Variants in UGGT1 observed in about 807,000 individuals in gnomAD.
UGGT1 encodes UDP-glucose:glycoprotein glucosyltransferase 1.
A neutral mutation model predicts 203.9 loss-of-function variants in UGGT1; 107 were observed. The ratio of observed to expected loss-of-function variants is 0.52; its 90% CI spans 0.45 to 0.62. The LOEUF (loss-of-function observed/expected upper bound fraction) is 0.62, where lower values mean the gene tolerates loss of function less well. UGGT1 is among the 20% of genes least tolerant of loss of function. UGGT1 has a pLI of 0.00. For synonymous variants in UGGT1, 628 were observed against 653.5 expected, an observed-to-expected ratio of 0.96 and a Z score of 0.59; for missense variants, 1,673 against 1,867.2, an observed-to-expected ratio of 0.90 and a Z score of 1.92.
chr2:128,127,033 G>A (rs1688640408), intron 11 of UGGT1, among the ~76,000 whole-genome samples: 1 of 152,144 alleles, frequency 6.6e-6, no homozygotes, highest in South Asian at 2.1e-4. Context: ...CAGCCAGCGA[G>A]TGAGTAGATG....
chr2:128,113,106 G>C lies in UGGT1; in HGVS notation c.544G>C (p.Gly182Arg). 1 of 1,596,282 alleles carries C rather than the reference G, an allele frequency of 6.3e-7. No homozygotes were observed. Among genetic ancestry groups the C allele is most frequent in the Non-Finnish European group, 8.5e-7 (1 of 1,170,620 alleles). Reference protein sequence around the residue: ...SERPKPLLFKGDHRYPSSNPE... With the variant: ...SERPKPLLFKRDHRYPSSNPE... ...CAGACCCAAACCTTTATTGTTCAAA[G>C]GAGATCACAGATATCCCTCGTCTAA... Residue 182 changes from glycine (G) to arginine (R), a missense_variant, in exon 6 of 41, where the codon GGA (glycine) becomes CGA (arginine). Physicochemically the swap from Gly to Arg is moderately radical, Grantham distance 125 (BLOSUM62 -2). Coordinates refer to ENST00000259253, the MANE Select transcript of UGGT1 (RefSeq NM_020120.4).
intron 30 of UGGT1, 113 bp downstream of exon 30, chr2:128,174,052 T>G: frequency 7.8e-7 from 1 of 1,276,024 alleles, no homozygotes; most frequent in South Asian, 1.5e-5. Context: ...AAATTCATTA[T>G]GGGCTGAATT....
rs1013437811 is a variant in UGGT1, at chr2:128,194,377, C to G, written c.*4635C>G. On this transcript the variant is annotated 3_prime_UTR_variant, in exon 41 of 41. Coordinates refer to ENST00000259253, the MANE Select transcript of UGGT1 (RefSeq NM_020120.4). ...TGCCTCCCGGGTTCAAGAGATTCTC[C>G]TGACTCAACCTCCTGAGTAGCTGGG... 7 of 152,312 alleles carry G rather than the reference C, an allele frequency of 4.6e-5. No homozygotes were observed. Among genetic ancestry groups the G allele is most frequent in the African/African-American group, 1.7e-4 (7 of 41,414 alleles). 9.4% of individuals were successfully genotyped at this position (152,312 alleles called of 1,614,324 possible).
Position 128,120,390 on chromosome 2 carries a change from G to GTC in UGGT1, c.907_908insTC (p.Glu303ValfsTer8), listed in dbSNP as rs1353411205. 1 of 1,613,864 alleles carries GTC rather than the reference G, an allele frequency of 6.2e-7. No homozygotes were observed. The highest frequency in any genetic ancestry group is 8.5e-7 in the Non-Finnish European group (1 of 1,179,960). On this transcript the variant is annotated frameshift_variant, in exon 9 of 41. Transcript: ENST00000259253. LOFTEE classifies it high-confidence loss of function. ...CCCCGACCTGGAGGGACAGTTGAAA[G>GTC]AACTCAGAAAGCATCTTGTAGAGAG...
chr2:128,149,411 G>A (rs1290636336), intron 18 of UGGT1, among the ~76,000 whole-genome samples: 2 of 150,064 alleles, frequency 1.3e-5, no homozygotes, highest in African/African-American at 2.4e-5. Flanking sequence ...TTGGGAGGCC[G>A]AGGCGGGCGG....
At position 128,170,342 on chromosome 2, in the gene UGGT1, C is replaced by T. The variant is rs765370157; in HGVS notation, c.2976C>T (p.Val992=). Residue 992 remains valine, a synonymous_variant, in exon 27 of 41, where the codon GTC becomes GTT. Coordinates refer to ENST00000259253, the MANE Select transcript of UGGT1 (RefSeq NM_020120.4). ...AGACATACTTTGATGTTGTGGCTGT[C>T]GTTGACCCTGTCACCAGAGAAGCAC... The part of the protein sequence containing the change: ...EGETYFDVVA[V]VDPVTREAQR... 27 of 1,614,040 alleles carry T rather than the reference C, an allele frequency of 1.7e-5. No homozygotes were observed. The African/African-American group carries it at 2.9e-4, about 18-fold the overall frequency.
rs747775471 is a variant in UGGT1, at chr2:128,133,261, G to C, written c.1497+1G>C. On this transcript the variant is annotated splice_donor_variant, in intron 14 of 40. Coordinates refer to ENST00000259253, the MANE Select transcript of UGGT1 (RefSeq NM_020120.4). LOFTEE classifies it high-confidence loss of function. Reference sequence around the variant, plus strand: ...GATCAGGAAAAACTTACATAATATGGTAAGTAAAACTTATTGTCTGGCTGT... The same window carrying C: ...GATCAGGAAAAACTTACATAATATGCTAAGTAAAACTTATTGTCTGGCTGT... 6.2e-7 allele frequency: 1 copy of C among 1,612,732 alleles called. No individual in the cohort carries two copies. Among genetic ancestry groups the C allele is most frequent in the Non-Finnish European group, 8.5e-7 (1 of 1,179,392 alleles).
intron 15 of UGGT1, 119 bp downstream of exon 15, chr2:128,135,080 G>A: frequency 1.2e-6 from 1 of 819,140 alleles, no homozygotes; most frequent in Non-Finnish European, 2.0e-6. Flanking sequence ...ATCACTAATG[G>A]CAATTTTATC....
intron 17 of UGGT1, among the ~76,000 whole-genome samples, chr2:128,145,327 C>G (rs137916480): frequency 3.2e-4 from 49 of 152,280 alleles, no homozygotes; most frequent in African/African-American, 1.1e-3. Flanking sequence ...GTTACTTGGT[C>G]ATAGTTGGCA....
Position 128,155,559 on chromosome 2 carries a change from C to T in UGGT1, c.2208C>T (p.Ala736=), listed in dbSNP as rs763672424. 5.0e-6 allele frequency: 8 copies of T among 1,612,720 alleles called. No homozygotes were observed. Among genetic ancestry groups the T allele is most frequent in the South Asian group, 1.1e-5 (1 of 90,916 alleles). ...CCCAAGGCAAGACTGCTGCTGTAGC[C>T]AATAGTATGAACTATCTGACAAAGA... is the stretch of plus-strand genomic sequence containing the variant. ...LDSQGKTAAV[A]NSMNYLTKKG... The change falls in exon 20 of 41, where the codon GCC becomes GCT. Residue 736 remains alanine, a synonymous_variant. Coordinates refer to ENST00000259253, the MANE Select transcript of UGGT1 (RefSeq NM_020120.4).
chr2:128,115,244 G>T (rs1393091805), intron 7 of UGGT1, 24 bp downstream of exon 7: 1 of 1,597,346 alleles, frequency 6.3e-7, no homozygotes, highest in Non-Finnish European at 8.6e-7. Flanking sequence ...AATGGGACCA[G>T]TGTGCTTTCT....
chr2:128,182,896 T>G (rs2104824309), intron 37 of UGGT1, among the ~76,000 whole-genome samples: 1 of 147,278 alleles, frequency 6.8e-6, no homozygotes, highest in African/African-American at 2.5e-5. Context: ...TATTTATACA[T>G]TTTGTAACTT....
rs765559372 is a variant in UGGT1 at position 128,152,869 on chromosome 2, C to A, written c.2102C>A (p.Thr701Lys). The change falls in exon 19 of 41, where the codon ACA (threonine) becomes AAA (lysine). Residue 701 changes from threonine to lysine, a missense_variant. Thr to Lys is a moderately conservative substitution (Grantham distance 78, BLOSUM62 -1). Coordinates refer to ENST00000259253, the MANE Select transcript of UGGT1 (RefSeq NM_020120.4). ...VVPRINSRILTAERDYLDLTA... is the reference protein window; with the variant it reads ...VVPRINSRILKAERDYLDLTA... ...CCACGAATCAATTCTAGGATTTTGA[C>A]AGCTGAACGAGACTACCTGGATTTA... The A allele has an allele frequency of 1.2e-5, 20 of 1,613,944 alleles. No individual in the cohort carries two copies. Among genetic ancestry groups the A allele is most frequent in the Non-Finnish European group, 1.7e-5 (20 of 1,179,978 alleles).
At chr2:128,133,053 A>G in intron 13 of UGGT1, 88 bp from the exon 14 acceptor site, 3 of 1,491,078 alleles carry the variant, frequency 2.0e-6, no homozygotes, top group Non-Finnish European at 2.7e-6. Flanking sequence ...GATTCTTCTT[A>G]AAATATTTTA....
chr2:128,103,873 A>G (rs1558751276), intron 2 of UGGT1, 59 bp from the exon 3 acceptor site: 9 of 1,271,250 alleles, frequency 7.1e-6, no homozygotes, highest in Admixed American at 2.3e-5. Flanking sequence ...TCTCTTTAGT[A>G]ATATAGTTTA....
chr2:128,116,067 T>G (rs558809332), intron 7 of UGGT1, among the ~76,000 whole-genome samples, 198 bp from the exon 8 acceptor site: 1 of 152,310 alleles, frequency 6.6e-6, no homozygotes, highest in African/African-American at 2.4e-5. Context: ...ACAGGAGATA[T>G]TAAAATGCAT....
intron 19 of UGGT1, among the ~76,000 whole-genome samples, chr2:128,153,701 T>C (rs1231462189): frequency 1.3e-5 from 2 of 152,240 alleles, no homozygotes; most frequent in Non-Finnish European, 1.5e-5. Flanking sequence ...TAGTCCACTT[T>C]ATGGATAGTC....
In UGGT1 at chr2:128,190,889, G is replaced by C. The variant is rs1425865104; in HGVS notation, c.*1147G>C. 2.0e-5 allele frequency: 3 copies of C among 152,290 alleles called. No individual in the cohort carries two copies. The highest frequency in any genetic ancestry group is 4.4e-5 in the Non-Finnish European group (3 of 68,078). The allele number at this position is 152,290 out of a possible 1,614,324, so 9.4% of individuals were successfully genotyped here. A position where few individuals can be genotyped will look rare whatever the true frequency, so the allele number is the denominator to read the frequency against. On this transcript the variant is annotated 3_prime_UTR_variant, in exon 41 of 41. Transcript: ENST00000259253. ...CAGGTTGCCTTTGGCGCCCACACCA[G>C]TTCTGTCTTCATGTCGCTGCATCGT...
chr2:128,183,329 C>T (rs554990143), intron 37 of UGGT1, among the ~76,000 whole-genome samples: 3 of 152,152 alleles, frequency 2.0e-5, no homozygotes, highest in African/African-American at 2.4e-5. Flanking sequence ...GGTTTTCCCC[C>T]CCCTGTAACA....
Sources: gnomAD v4.1 joint callset for allele counts (sites outside exome capture counted in the v4.1 genomes callset) on GRCh38, gnomAD v4.1.1 for gene constraint, MANE v1.5 for transcripts, NCBI Gene and HGNC (gene_info 2026-07-23, HGNC 2026-07-21) for gene names.